Variants in GTF3C1 observed in about 807,000 individuals in gnomAD.
GTF3C1 encodes general transcription factor 3C polypeptide 1.
In GTF3C1, 57 loss-of-function variants were observed where a neutral mutation model predicts 226.7. That is an observed-to-expected ratio of 0.25 (90% confidence interval 0.20 to 0.31). The LOEUF is 0.31. GTF3C1 is among the 10% of genes least tolerant of loss of function. The pLI is 1.00. For missense variants in GTF3C1, 2,217 were observed against 2,776.1 expected, an observed-to-expected ratio of 0.80 and a Z score of 4.53; for synonymous variants, 1,090 against 1,084.8, an observed-to-expected ratio of 1.00 and a Z score of -0.09.
chr16:27,481,527 C>A (rs1017889412), intron 26 of GTF3C1, among the ~76,000 whole-genome samples: 1 of 152,176 alleles, frequency 6.6e-6, no homozygotes, highest in Non-Finnish European at 1.5e-5. Flanking sequence ...CTCACAGCCT[C>A]CCTCCTCCCA....
At chr16:27,497,853 T>C in intron 13 of GTF3C1, 32 bp from the exon 14 acceptor site, 1 of 1,556,880 alleles carries the variant, frequency 6.4e-7, no homozygotes, top group Non-Finnish European at 8.8e-7. Context: ...AATAATGTAC[T>C]GAGAAAATCA....
At chr16:27,544,884 G>A (rs1032470637) in intron 2 of GTF3C1, among the ~76,000 whole-genome samples, 1 of 152,120 alleles carries the variant, frequency 6.6e-6, no homozygotes. Flanking sequence ...CAGGGCTAGT[G>A]AACTCTGACA....
At chr16:27,527,650 C>CA (rs2088853581) in intron 6 of GTF3C1, among the ~76,000 whole-genome samples, 1 of 152,152 alleles carries the variant, frequency 6.6e-6, no homozygotes, top group Non-Finnish European at 1.5e-5. Flanking sequence ...ACCAACCTTA[C>CA]AGGGCTAGAT....
chr16:27,521,371 C>T (rs2088746313), intron 6 of GTF3C1, among the ~76,000 whole-genome samples: 1 of 152,270 alleles, frequency 6.6e-6, no homozygotes, highest in Non-Finnish European at 1.5e-5. Flanking sequence ...TGGCCAGTCA[C>T]CCACCCTGTT....
chr16:27,483,138 G>A lies in GTF3C1; in HGVS notation c.4002-13C>T. 1.2e-6 allele frequency: 2 copies of A among 1,613,164 alleles called. No individual in the cohort carries two copies. Among genetic ancestry groups the A allele is most frequent in the Non-Finnish European group, 1.7e-6 (2 of 1,179,136 alleles). On this transcript the variant is annotated splice_polypyrimidine_tract_variant and intron_variant, in intron 25 of 36. Coordinates refer to ENST00000356183, the MANE Select transcript of GTF3C1 (RefSeq NM_001520.4). The stretch of plus-strand genomic sequence containing the variant: ...GGCCAGGCACACTCTGCAGGAAGAG[G>A]AGACAAAGCTGAAGTCTGGGAATTG...
In GTF3C1 at chr16:27,492,762, C is replaced by A. The variant is rs374650564; in HGVS notation, c.2877-49G>T. 2.0e-6 allele frequency: 2 copies of A among 1,022,008 alleles called. No homozygotes were observed. Among genetic ancestry groups the A allele is most frequent in the South Asian group, 2.5e-5 (2 of 79,380 alleles). 63.3% of individuals were successfully genotyped at this position (1,022,008 alleles called of 1,614,324 possible). Reference sequence around the variant, plus strand: ...GTTCTCATCACACCACACTCGCAGCCGGCCGCAGGGGTCTGCATGTGGGGT... The same window carrying A: ...GTTCTCATCACACCACACTCGCAGCAGGCCGCAGGGGTCTGCATGTGGGGT... On this transcript the variant is annotated intron_variant, in intron 17 of 36. Transcript: ENST00000356183. The surrounding 1 kb of genome is among the most constrained non-coding windows in gnomAD (Gnocchi z 5.0).
intron 21 of GTF3C1, 67 bp from the exon 22 acceptor site, chr16:27,488,702 C>A: frequency 1.5e-6 from 2 of 1,330,210 alleles, no homozygotes; most frequent in South Asian, 1.2e-5. Context: ...CCCAGAGTAA[C>A]AAATGCACCG....
intron 16 of GTF3C1, among the ~76,000 whole-genome samples, chr16:27,493,812 C>T (rs2088269236): frequency 6.6e-6 from 1 of 152,108 alleles, no homozygotes; most frequent in Non-Finnish European, 1.5e-5. Flanking sequence ...AAATTAGACA[C>T]ATAAGAATAC....
At position 27,472,534 on chromosome 16, in the gene GTF3C1, G is replaced by A. The variant is rs998502629; in HGVS notation, c.4354-614C>T. Among the ~76,000 whole-genome samples the A allele has an allele frequency of 1.7e-4, 26 of 152,184 alleles. 1 individual carries two copies. Among genetic ancestry groups the A allele is most frequent in the Admixed American group, 7.2e-4 (11 of 15,268 alleles). On this transcript the variant is annotated intron_variant, in intron 29 of 36. Transcript: ENST00000356183. ...AAACCCCCAAGGACTTCCCTCTGCA[G>A]ATGTGACCACAACCAGTCCTTCACG...
intron 32 of GTF3C1, among the ~76,000 whole-genome samples, chr16:27,466,751 A>G (rs577202824): frequency 5.9e-5 from 9 of 152,356 alleles, no homozygotes; most frequent in Middle Eastern, 3.4e-3. Context: ...TCCAGGGAAC[A>G]CACAAACAAT....
chr16:27,538,241 G>A lies in GTF3C1; in HGVS notation c.547C>T (p.Arg183Trp), dbSNP rs2141454694. 2 of 1,611,926 alleles carry A rather than the reference G, an allele frequency of 1.2e-6. No individual in the cohort carries two copies. Among genetic ancestry groups the A allele is most frequent in the Non-Finnish European group, 1.7e-6 (2 of 1,178,148 alleles). Residue 183 changes from arginine to tryptophan, a missense_variant, in exon 3 of 37, where the codon CGG becomes TGG. Physicochemically the swap from Arg to Trp is moderately radical, Grantham distance 101 (BLOSUM62 -3). Around this residue, in one of 12 missense-constraint regions of GTF3C1, gnomAD observed 192 missense variants for 251.8 expected, o/e 0.76. Transcript: ENST00000356183. ...CCTTGCCACCTGGACCGGCCTAGCCGTTCCAGGATGCAGTAGGAGAAGTCG... is the reference window on the plus strand; with the variant it reads ...CCTTGCCACCTGGACCGGCCTAGCCATTCCAGGATGCAGTAGGAGAAGTCG... Reference protein sequence around the residue: ...LPDFSYCILERLGRSRWQGEL... With the variant: ...LPDFSYCILEWLGRSRWQGEL...
intron 14 of GTF3C1, among the ~76,000 whole-genome samples, chr16:27,497,316 T>C (rs973368671): frequency 3.9e-5 from 6 of 152,214 alleles, no homozygotes; most frequent in African/African-American, 1.4e-4. Flanking sequence ...AAATTTTCTG[T>C]AGTTTGTAGA....
chr16:27,484,142 C>T (rs2088098596), intron 25 of GTF3C1, 69 bp downstream of exon 25: 4 of 1,178,792 alleles, frequency 3.4e-6, no homozygotes, highest in Non-Finnish European at 5.1e-6. Flanking sequence ...CCACACTTCC[C>T]ACCAGACTCT....
At chr16:27,493,797 T>C (rs79466517) in intron 16 of GTF3C1, among the ~76,000 whole-genome samples, 8,561 of 152,142 alleles carry the variant, frequency 0.056, 387 homozygotes, top group Non-Finnish European at 0.078. Flanking sequence ...ATATTATGGT[T>C]AAATAAATTA....
chr16:27,481,244 T>C (rs1259039022), intron 26 of GTF3C1, 53 bp from the exon 27 acceptor site: 3 of 1,504,866 alleles, frequency 2.0e-6, no homozygotes, highest in Non-Finnish European at 2.8e-6. Context: ...TAAAGGGAGG[T>C]TTTGCTAAGA....
At chr16:27,497,520 A>AT (rs1280469937) in intron 14 of GTF3C1, 117 bp downstream of exon 14, 5 of 766,960 alleles carry the variant, frequency 6.5e-6, no homozygotes, top group Non-Finnish European at 1.1e-5. Flanking sequence ...CACAGCTCAG[A>AT]CGCGATTCTT....
chr16:27,472,633 C>T (rs2087893693), intron 29 of GTF3C1, among the ~76,000 whole-genome samples: 1 of 152,226 alleles, frequency 6.6e-6, no homozygotes, highest in Non-Finnish European at 1.5e-5. Context: ...CACCACCCCT[C>T]GCTCACTGCC....
chr16:27,489,959 G>C (rs1428978115), intron 19 of GTF3C1, among the ~76,000 whole-genome samples: 1 of 152,240 alleles, frequency 6.6e-6, no homozygotes, highest in Non-Finnish European at 1.5e-5. Context: ...GTGCTGGTGG[G>C]TGACCTAAGG....
chr16:27,485,917 C>T, intron 24 of GTF3C1, 80 bp downstream of exon 24: 4 of 888,480 alleles, frequency 4.5e-6, no homozygotes, highest in Non-Finnish European at 7.0e-6. Context: ...TGGTCTCTGG[C>T]TGGGAGTCCC....
Sources: gnomAD v4.1 joint callset for allele counts (sites outside exome capture counted in the v4.1 genomes callset) on GRCh38, gnomAD v4.1.1 for gene constraint, gnomAD v4.1.1 regional missense constraint, Gnocchi (gnomAD v3.1) non-coding constraint, MANE v1.5 for transcripts, NCBI Gene and HGNC (gene_info 2026-07-23, HGNC 2026-07-21) for gene names.